Variants in CADM2 observed in about 807,000 individuals in gnomAD.
CADM2 encodes immunoglobulin superfamily member 4D.
A neutral mutation model predicts 49.8 loss-of-function variants in CADM2; 12 were observed. The observed-to-expected ratio is 0.24, with a 90% CI of 0.15 to 0.39. The LOEUF (loss-of-function observed/expected upper bound fraction) is 0.39. CADM2 is among the 10% of genes least tolerant of loss of function. The probability of loss-of-function intolerance (pLI) is 1.00; values close to 1 mark genes in which losing one functional copy is unlikely to be tolerated. For missense variants in CADM2, 378 were observed against 492.3 expected, an observed-to-expected ratio of 0.77 and a Z score of 2.20; for synonymous variants, 214 against 175.4, an observed-to-expected ratio of 1.22 and a Z score of -1.74.
At chr3:85,622,760 A>T (rs1051915296) in intron 1 of CADM2, among the ~76,000 whole-genome samples, 6 of 152,170 alleles carry the variant, frequency 3.9e-5, no homozygotes, top group Non-Finnish European at 7.3e-5. Context: ...TAAGAATTTC[A>T]ACTTATTTGT....
intron 1 of CADM2, among the ~76,000 whole-genome samples, chr3:85,195,867 T>C (rs549448944): frequency 6.6e-6 from 1 of 152,226 alleles, no homozygotes; most frequent in East Asian, 1.9e-4. Context: ...TGAAATATTA[T>C]CTAGATATAA....
intron 2 of CADM2, among the ~76,000 whole-genome samples, chr3:85,741,454 G>A (rs2068383735): frequency 6.6e-6 from 1 of 152,114 alleles, no homozygotes; most frequent in Admixed American, 6.6e-5. Context: ...GGGATCACAA[G>A]GTCAGGAGTT....
chr3:85,669,110 C>T (rs2065662162), intron 1 of CADM2, among the ~76,000 whole-genome samples: 2 of 152,164 alleles, frequency 1.3e-5, no homozygotes, highest in African/African-American at 4.8e-5. Context: ...TGTTCCTACC[C>T]TCAACTTCAT....
At chr3:85,977,029 T>G (rs1182868693) in intron 8 of CADM2, among the ~76,000 whole-genome samples, 1 of 151,368 alleles carries the variant, frequency 6.6e-6, no homozygotes, top group East Asian at 1.9e-4. Flanking sequence ...CTTGAAAATA[T>G]ATAGACTGTC....
chr3:86,045,188 C>G (rs1166467121), intron 8 of CADM2, among the ~76,000 whole-genome samples: 1 of 151,628 alleles, frequency 6.6e-6, no homozygotes, highest in African/African-American at 2.4e-5. Context: ...GCACATGTAC[C>G]CTAAAACTTA....
chr3:85,758,045 T>C (rs1356818955), intron 2 of CADM2, among the ~76,000 whole-genome samples: 1 of 152,110 alleles, frequency 6.6e-6, no homozygotes, highest in African/African-American at 2.4e-5. Context: ...GGATATATTA[T>C]TGACGTGGCA....
intron 3 of CADM2, among the ~76,000 whole-genome samples, chr3:85,859,857 C>A (rs1453266123): frequency 6.6e-6 from 1 of 152,104 alleles, no homozygotes; most frequent in Non-Finnish European, 1.5e-5. Context: ...GGAATTTTGA[C>A]AAACTTATAA....
chr3:85,846,355 A>G (rs1381137895), intron 3 of CADM2, among the ~76,000 whole-genome samples: 2 of 152,152 alleles, frequency 1.3e-5, no homozygotes, highest in African/African-American at 4.8e-5. Context: ...CTCTAGAATG[A>G]CTGAGCAACA....
chr3:85,464,176 A>T (rs1049500206), intron 1 of CADM2, among the ~76,000 whole-genome samples: 4 of 152,126 alleles, frequency 2.6e-5, no homozygotes, highest in Admixed American at 6.6e-5. Flanking sequence ...TGACCATGAC[A>T]TGCAAAATTT....
At chr3:84,966,650 A>G (rs1312008133) in intron 1 of CADM2, among the ~76,000 whole-genome samples, 1 of 152,066 alleles carries the variant, frequency 6.6e-6, no homozygotes, top group Non-Finnish European at 1.5e-5. Flanking sequence ...ATAGATACAG[A>G]GCTAAGTTAG....
At chr3:85,984,009 A>G (rs1727783486) in intron 8 of CADM2, among the ~76,000 whole-genome samples, 1 of 150,100 alleles carries the variant, frequency 6.7e-6, no homozygotes, top group Non-Finnish European at 1.5e-5. Flanking sequence ...GTGTATATAT[A>G]TGACACACAT....
intron 1 of CADM2, among the ~76,000 whole-genome samples, chr3:85,482,244 T>C (rs1319567918): frequency 5.3e-5 from 8 of 151,748 alleles, no homozygotes; most frequent in Admixed American, 2.6e-4. Flanking sequence ...TAGCGTGACC[T>C]TTATTCCAGA....
chr3:85,817,775 T>C (rs1162677824), intron 3 of CADM2, among the ~76,000 whole-genome samples: 1 of 152,012 alleles, frequency 6.6e-6, no homozygotes, highest in Non-Finnish European at 1.5e-5. Flanking sequence ...ACTGCACCAC[T>C]GCACTCCAGC....
Position 85,623,228 on chromosome 3 carries a change from G to A in CADM2, c.62-103294G>A, listed in dbSNP as rs564592880. 9.9e-5 allele frequency among the ~76,000 whole-genome samples: 15 copies of A among 152,120 alleles called. No homozygotes were observed. In the South Asian group the frequency reaches 2.3e-3, roughly 23 times the overall value. ...ATACGACTTTCTTCCTCAACTTTTA[G>A]CATCATTACTCATTTTCTAAATTTC... On this transcript the variant is annotated intron_variant, in intron 1 of 9. Coordinates refer to ENST00000383699, the MANE Select transcript of CADM2 (RefSeq NM_001167675.2).
At chr3:85,511,033 T>C (rs890556184) in intron 1 of CADM2, among the ~76,000 whole-genome samples, 1 of 152,052 alleles carries the variant, frequency 6.6e-6, no homozygotes, top group Non-Finnish European at 1.5e-5. Context: ...TTTTAAAACA[T>C]TTATAACCCC....
At chr3:85,724,863 T>G (rs2067631860) in intron 1 of CADM2, among the ~76,000 whole-genome samples, 1 of 151,886 alleles carries the variant, frequency 6.6e-6, no homozygotes. Context: ...AAACATTCAT[T>G]AAAGGAATGT....
intron 8 of CADM2, among the ~76,000 whole-genome samples, chr3:86,039,098 T>C (rs985346495): frequency 6.6e-6 from 1 of 152,122 alleles, no homozygotes; most frequent in Non-Finnish European, 1.5e-5. Flanking sequence ...GGAGCCAAGA[T>C]GGCCAAATAG....
chr3:85,184,201 GAGATT>G (rs1455167588), intron 1 of CADM2, among the ~76,000 whole-genome samples: 1 of 152,094 alleles, frequency 6.6e-6, no homozygotes, highest in Non-Finnish European at 1.5e-5. Flanking sequence ...TTTTGATTGA[GAGATT>G]ATGTGACCTT....
intron 1 of CADM2, among the ~76,000 whole-genome samples, chr3:85,651,745 T>C (rs1253828594): frequency 6.6e-6 from 1 of 152,090 alleles, no homozygotes; most frequent in African/African-American, 2.4e-5. Flanking sequence ...AAACTCTGAC[T>C]ACACCCTTGG....
Sources: allele counts gnomAD v4.1 joint callset (sites outside exome capture counted in the v4.1 genomes callset), GRCh38; gene constraint gnomAD v4.1.1; transcripts MANE v1.5; gene names NCBI Gene and HGNC (gene_info 2026-07-23, HGNC 2026-07-21).